The following TTLL5 variants were observed in gnomAD, a reference collection of about 807,000 sequenced individuals.
The protein encoded by TTLL5 is tubulin polyglutamylase TTLL5.
In TTLL5, 132 loss-of-function variants were observed where a neutral mutation model predicts 168.4. The ratio of observed to expected loss-of-function variants is 0.78; its 90% confidence interval spans 0.68 to 0.91. TTLL5 has a LOEUF of 0.91. TTLL5 is among the 40% of genes least tolerant of loss of function. The probability of loss-of-function intolerance (pLI) is 0.00; values close to 1 mark genes in which losing one functional copy is unlikely to be tolerated. For missense variants in TTLL5, 1,545 were observed against 1,581.5 expected, an observed-to-expected ratio of 0.98 and a Z score of 0.39; for synonymous variants, 546 against 558.6, an observed-to-expected ratio of 0.98 and a Z score of 0.32.
At chr14:75,837,401 A>T (rs1895928270) in intron 28 of TTLL5, 1 of 152,234 alleles carries the variant, frequency 6.6e-6, no homozygotes, top group Non-Finnish European at 1.5e-5. Context: ...ATCATCATTT[A>T]AAAAATTATT....
intron 30 of TTLL5, 63 bp downstream of exon 30, chr14:75,882,965 A>G: frequency 1.3e-6 from 2 of 1,532,678 alleles, no homozygotes; most frequent in Non-Finnish European, 1.8e-6. Flanking sequence ...AGTACTCTTT[A>G]TTTATTACTC....
intron 27 of TTLL5, among the ~76,000 whole-genome samples, chr14:75,798,275 G>A (rs1893098966): frequency 1.3e-5 from 2 of 151,968 alleles, no homozygotes; most frequent in African/African-American, 4.8e-5. Context: ...TATTTCTGTG[G>A]TGTTGGTTGT....
intron 4 of TTLL5, among the ~76,000 whole-genome samples, chr14:75,682,973 A>G (rs1377972408): frequency 1.3e-5 from 2 of 151,936 alleles, no homozygotes; most frequent in Admixed American, 1.3e-4. Context: ...GGGTCTTAAT[A>G]TGTTGCTAGG....
At chr14:75,716,798 T>G (rs1887496598) in intron 9 of TTLL5, among the ~76,000 whole-genome samples, 1 of 152,346 alleles carries the variant, frequency 6.6e-6, no homozygotes, top group East Asian at 1.9e-4. Context: ...GGTTACTTCC[T>G]TCAGAGGCAC....
intron 28 of TTLL5, among the ~76,000 whole-genome samples, chr14:75,861,401 T>C (rs1394045448): frequency 4.6e-5 from 7 of 152,178 alleles, no homozygotes; most frequent in Non-Finnish European, 8.8e-5. Flanking sequence ...ACTTCTGAGC[T>C]TGGCAAACAT....
intron 28 of TTLL5, among the ~76,000 whole-genome samples, chr14:75,862,015 C>CAAGGG (rs1443768329): frequency 6.6e-6 from 1 of 152,108 alleles, no homozygotes; most frequent in Non-Finnish European, 1.5e-5. Flanking sequence ...CTTCCTATTC[C>CAAGGG]CTAATTCCAT....
intron 30 of TTLL5, among the ~76,000 whole-genome samples, chr14:75,889,185 A>G (rs1015406028): frequency 6.6e-6 from 1 of 152,226 alleles, no homozygotes; most frequent in African/African-American, 2.4e-5. Context: ...CACAGTGAAT[A>G]GAAATTGGCC....
At chr14:75,902,567 A>C in intron 31 of TTLL5, 1 of 475,250 alleles carries the variant, frequency 2.1e-6, no homozygotes, top group South Asian at 1.5e-5. Flanking sequence ...ATTCTCACAC[A>C]GCCCTGTGAG....
intron 31 of TTLL5, among the ~76,000 whole-genome samples, chr14:75,912,178 CCTT>C (rs1165555600): frequency 1.3e-5 from 2 of 152,046 alleles, no homozygotes; most frequent in Non-Finnish European, 2.9e-5. Context: ...TTGTTTCTCT[CCTT>C]TTTTTTTTTT....
At chr14:75,784,706 A>G (rs114662349) in intron 26 of TTLL5, among the ~76,000 whole-genome samples, 1,901 of 152,300 alleles carry the variant, frequency 0.012, 26 homozygotes, top group African/African-American at 0.038. Flanking sequence ...ACTAACAGCA[A>G]TGTTTGAGGG....
At chr14:75,834,270 T>A (rs1204816553) in intron 28 of TTLL5, among the ~76,000 whole-genome samples, 1 of 152,096 alleles carries the variant, frequency 6.6e-6, no homozygotes, top group Non-Finnish European at 1.5e-5. Context: ...ATACCTGAAG[T>A]GCAGTGTTGT....
chr14:75,750,894 A>G (rs1373372881), intron 17 of TTLL5, among the ~76,000 whole-genome samples: 2 of 152,206 alleles, frequency 1.3e-5, no homozygotes, highest in Non-Finnish European at 2.9e-5. Flanking sequence ...ATTGTTCTGT[A>G]CTTACCCTTC....
At chr14:75,806,331 A>T (rs1221622176) in intron 27 of TTLL5, among the ~76,000 whole-genome samples, 2 of 152,176 alleles carry the variant, frequency 1.3e-5, no homozygotes, top group East Asian at 1.9e-4. Context: ...GTGCCCGGCC[A>T]TAATGGATCC....
At chr14:75,952,273 G>A (rs1025985977) in intron 31 of TTLL5, among the ~76,000 whole-genome samples, 4 of 152,104 alleles carry the variant, frequency 2.6e-5, no homozygotes, top group African/African-American at 7.2e-5. Flanking sequence ...CGAAGAGTTT[G>A]AGACCAGCCT....
chr14:75,669,367 A>G (rs1217636836), intron 2 of TTLL5, 49 bp from the exon 3 acceptor site: 1 of 1,520,410 alleles, frequency 6.6e-7, no homozygotes, highest in Non-Finnish European at 9.1e-7. Context: ...ATCAGCAGTT[A>G]GTTCAGGTTT....
rs976398290 is a variant in TTLL5 at position 75,782,631 on chromosome 14, G to A, written c.2602+58G>A. 8.0e-6 allele frequency: 11 copies of A among 1,381,470 alleles called. No individual in the cohort carries two copies. The South Asian group carries it at 1.3e-4, about 17-fold the overall frequency. 85.6% of individuals were successfully genotyped at this position (1,381,470 alleles called of 1,614,324 possible). A position where few individuals can be genotyped will look rare whatever the true frequency, so the allele number is the denominator to read the frequency against. Reference sequence around the variant, plus strand: ...CTCTCTGATAATTTCCTAAAAGAAGGAAATAGTCATCAGATATTAAATATT... The same window carrying A: ...CTCTCTGATAATTTCCTAAAAGAAGAAAATAGTCATCAGATATTAAATATT... On this transcript the variant is annotated intron_variant, in intron 25 of 31. Transcript: ENST00000298832.
chr14:75,895,212 T>G (rs2032594829), intron 30 of TTLL5, among the ~76,000 whole-genome samples: 1 of 152,186 alleles, frequency 6.6e-6, no homozygotes, highest in Non-Finnish European at 1.5e-5. Flanking sequence ...AAAATACTTA[T>G]CTATATGTAT....
intron 5 of TTLL5, among the ~76,000 whole-genome samples, chr14:75,688,159 G>GGGATT (rs1275470850): frequency 1.3e-5 from 2 of 152,266 alleles, no homozygotes; most frequent in East Asian, 3.9e-4. Flanking sequence ...CTTCCGGATG[G>GGGATT]GGATTGGTTA....
chr14:75,749,507 T>C (rs1241269958), intron 17 of TTLL5, among the ~76,000 whole-genome samples: 1 of 152,200 alleles, frequency 6.6e-6, no homozygotes, highest in Admixed American at 6.5e-5. Flanking sequence ...GACGGACTTA[T>C]ATTCCTATTG....
Sources: allele counts gnomAD v4.1 joint callset (sites outside exome capture counted in the v4.1 genomes callset), GRCh38; gene constraint gnomAD v4.1.1; transcripts MANE v1.5; gene names NCBI Gene and HGNC (gene_info 2026-07-23, HGNC 2026-07-21).